IKZF4: variants seen among roughly 807,000 people sequenced by gnomAD.
The protein encoded by IKZF4 is IKAROS family zinc finger 4.
Under a neutral mutation model 47.7 loss-of-function variants are expected in IKZF4, and 11 were observed. That is an observed-to-expected ratio of 0.23 (90% CI 0.15 to 0.38). IKZF4 has a LOEUF of 0.38. IKZF4 is among the 10% of genes least tolerant of loss of function. The probability of loss-of-function intolerance (pLI) is 1.00; values close to 1 mark genes in which losing one functional copy is unlikely to be tolerated. For missense variants in IKZF4, 557 were observed against 784.9 expected (o/e 0.71, Z 3.47); for synonymous variants, 298 against 299.4 (o/e 1.00, Z 0.05).
At chr12:56,015,069 T>A (rs1891844994) in intron 2 of IKZF4, among the ~76,000 whole-genome samples, 1 of 152,158 alleles carries the variant, frequency 6.6e-6, no homozygotes, top group Non-Finnish European at 1.5e-5. Flanking sequence ...CAAGTGGCAC[T>A]TTGTGGGCTT....
intron 7 of IKZF4, among the ~76,000 whole-genome samples, chr12:56,033,968 C>T (rs539250785): frequency 2.0e-5 from 3 of 152,176 alleles, no homozygotes; most frequent in East Asian, 1.9e-4. Flanking sequence ...GGCACGATCT[C>T]GGCTCACTGC....
chr12:56,033,435 C>T, intron 7 of IKZF4, 114 bp downstream of exon 7: 5 of 1,321,398 alleles, frequency 3.8e-6, no homozygotes, highest in Non-Finnish European at 5.3e-6. Flanking sequence ...GGGCTGGGTG[C>T]AGTGGCTCAC....
At chr12:56,024,946 T>C in intron 2 of IKZF4, 108 bp from the exon 3 acceptor site, 1 of 1,536,684 alleles carries the variant, frequency 6.5e-7, no homozygotes. Context: ...TACATGGCTA[T>C]GAAGGAAATG....
Position 56,021,335 on chromosome 12 carries a change from T to C in IKZF4, c.-159T>C. On this transcript the variant is annotated 5_prime_UTR_variant, in exon 1 of 8. Coordinates refer to ENST00000547167, the MANE Select transcript of IKZF4 (RefSeq NM_022465.4). ...ACACACACTCAACACACATACACCC[T>C]GGGCTGAGCTGCTCTTGCTGGCTGC... 1 of 1,465,774 alleles carries C rather than the reference T, an allele frequency of 6.8e-7. No homozygotes were observed. The highest frequency in any genetic ancestry group is 2.2e-4 in the Middle Eastern group (1 of 4,532). 90.8% of individuals were successfully genotyped at this position (1,465,774 alleles called of 1,614,324 possible). A position where few individuals can be genotyped will look rare whatever the true frequency, so the allele number is the denominator to read the frequency against.
At chr12:56,018,196 C>A (rs758797746), upstream of IKZF4, 39 of 1,288,778 alleles carry the variant, frequency 3.0e-5, no homozygotes, top group East Asian at 2.0e-3. Flanking sequence ...TCTGTGTGTT[C>A]TATTTGTTAG....
At chr12:56,031,267 A>G (rs947636139) in intron 5 of IKZF4, among the ~76,000 whole-genome samples, 1 of 152,210 alleles carries the variant, frequency 6.6e-6, no homozygotes, top group Non-Finnish European at 1.5e-5. Flanking sequence ...AAAGAAGAAA[A>G]AAAGATAAAT....
At chr12:56,011,972 G>A (rs189137679) in intron 2 of IKZF4, among the ~76,000 whole-genome samples, 2 of 152,218 alleles carry the variant, frequency 1.3e-5, no homozygotes, top group Admixed American at 6.5e-5. Context: ...ACTCAGTTCA[G>A]GAAGGCATAG....
intron 1 of IKZF4, chr12:56,011,017 A>ATT (rs544470949): frequency 6.6e-6 from 1 of 151,990 alleles, no homozygotes; most frequent in African/African-American, 2.4e-5. Flanking sequence ...TCTCTTCTAC[A>ATT]TTTTTTTTGC....
chr12:56,035,015 C>T lies in IKZF4; in HGVS notation c.1442C>T (p.Pro481Leu). Residue 481 changes from proline to leucine, a missense_variant, in exon 8 of 8, where the codon CCA becomes CTA. Coordinates refer to ENST00000547167, the MANE Select transcript of IKZF4 (RefSeq NM_022465.4). This position sits in a 1 kb window ranked among gnomAD's most constrained non-coding sequence, Gnocchi z 6.1. ...VSLPQGPPPQ[P>L]PPTIVVGRHS... ...CTCCCTCAGGGTCCCCCACCCCAGC[C>T]ACCTCCCACCATTGTGGTGGGCCGG... 6.4e-7 allele frequency: 1 copy of T among 1,554,800 alleles called. No homozygotes were observed.
chr12:56,018,567 G>A (rs1026075666), upstream of IKZF4, among the ~76,000 whole-genome samples: 3 of 152,000 alleles, frequency 2.0e-5, no homozygotes, highest in Admixed American at 6.6e-5. Context: ...GGCCTGCAAG[G>A]GCCAGGTAGT....
At chr12:56,033,517 T>C (rs548554206) in intron 7 of IKZF4, among the ~76,000 whole-genome samples, 196 bp downstream of exon 7, 18 of 152,050 alleles carry the variant, frequency 1.2e-4, no homozygotes, top group African/African-American at 3.9e-4. Context: ...ACCATCCCGG[T>C]TAACACAGTG....
At chr12:56,018,672 A>G (rs1371347567), upstream of IKZF4, among the ~76,000 whole-genome samples, 2 of 151,728 alleles carry the variant, frequency 1.3e-5, no homozygotes, top group Non-Finnish European at 2.9e-5. Context: ...TTAAAGGGAC[A>G]GCAGCTTTCA....
chr12:56,024,410 C>G (rs1893599881), intron 2 of IKZF4, among the ~76,000 whole-genome samples: 1 of 152,154 alleles, frequency 6.6e-6, no homozygotes, highest in South Asian at 2.1e-4. Flanking sequence ...GATCCCAGTT[C>G]CACACTAGCA....
intron 1 of IKZF4, among the ~76,000 whole-genome samples, chr12:56,008,996 T>A (rs895524811): frequency 2.0e-5 from 3 of 152,136 alleles, no homozygotes; most frequent in Non-Finnish European, 4.4e-5. Context: ...TTTGCATACC[T>A]TATTTCGCCC....
intron 4 of IKZF4, among the ~76,000 whole-genome samples, chr12:56,027,348 G>C (rs974542118): frequency 8.5e-5 from 13 of 152,138 alleles, no homozygotes; most frequent in African/African-American, 3.1e-4. Flanking sequence ...TCAAGAATGA[G>C]CCAATGGTCC....
intron 1 of IKZF4, chr12:56,010,697 G>A (rs947376773): frequency 1.1e-4 from 16 of 152,220 alleles, no homozygotes; most frequent in African/African-American, 3.9e-4. Context: ...TGGTAACTTG[G>A]ACTCTACATG....
In IKZF4 at chr12:56,035,703, C is replaced by G; in HGVS notation, c.*372C>G. ...TTAGGCCAATTTTTCTCTCTTAGAT[C>G]TTCCAGCAGCCCCAGGGGTAGGAAG... On this transcript the variant is annotated 3_prime_UTR_variant, in exon 8 of 8. Coordinates refer to ENST00000547167, the MANE Select transcript of IKZF4 (RefSeq NM_022465.4). This position sits in a 1 kb window ranked among gnomAD's most constrained non-coding sequence, Gnocchi z 6.1. 2 of 180,784 alleles carry G rather than the reference C, an allele frequency of 1.1e-5. No individual in the cohort carries two copies. The highest frequency in any genetic ancestry group is 1.3e-4 in the South Asian group (1 of 7,548). 11.2% of individuals were successfully genotyped at this position (180,784 alleles called of 1,614,324 possible).
chr12:56,028,053 G>C, intron 5 of IKZF4, 106 bp downstream of exon 5: 1 of 1,245,002 alleles, frequency 8.0e-7, no homozygotes, highest in Non-Finnish European at 1.1e-6. Context: ...CTGTCATTGA[G>C]GAGGGGGGAG....
intron 2 of IKZF4, 181 bp from the exon 3 acceptor site, chr12:56,024,873 A>G: frequency 2.0e-6 from 3 of 1,483,252 alleles, no homozygotes; most frequent in Non-Finnish European, 2.7e-6. Context: ...CACAGAAGGC[A>G]GCACCAGGCA....
Sources: gnomAD v4.1 joint callset for allele counts (sites outside exome capture counted in the v4.1 genomes callset) on GRCh38, gnomAD v4.1.1 for gene constraint, Gnocchi (gnomAD v3.1) non-coding constraint, MANE v1.5 for transcripts, NCBI Gene and HGNC (gene_info 2026-07-23, HGNC 2026-07-21) for gene names.